The following LRBA variants were observed in gnomAD, a reference collection of about 807,000 sequenced individuals.
LRBA encodes the protein LPS responsive beige-like anchor protein.
A neutral mutation model predicts 330.0 loss-of-function variants in LRBA; 176 were observed. That is an observed-to-expected ratio of 0.53 (90% CI 0.47 to 0.60). The LOEUF is 0.60. Ranked by LOEUF, LRBA falls within the 20% of genes least tolerant of loss-of-function variation. LRBA has a pLI of 0.00. For synonymous variants in LRBA, 1,230 were observed against 1,193.0 expected (o/e 1.03, Z -0.64); for missense variants, 3,259 against 3,444.8 (o/e 0.95, Z 1.35).
intron 40 of LRBA, among the ~76,000 whole-genome samples, chr4:150,571,962 G>GCC (rs1769926665): frequency 6.6e-6 from 1 of 150,926 alleles, no homozygotes; most frequent in African/African-American, 2.4e-5. Context: ...TCATCTCTTC[G>GCC]TATTACTTAG....
intron 24 of LRBA, 97 bp from the exon 25 acceptor site, chr4:150,849,672 T>C: frequency 2.1e-6 from 2 of 949,900 alleles, no homozygotes; most frequent in South Asian, 3.1e-5. Flanking sequence ...TGCTTTTGCT[T>C]CATCTTGAAA....
chr4:150,560,618 T>C (rs1768193468), intron 40 of LRBA, among the ~76,000 whole-genome samples: 1 of 152,194 alleles, frequency 6.6e-6, no homozygotes, highest in Non-Finnish European at 1.5e-5. Context: ...AGTTCAATCA[T>C]TATGAACTCC....
chr4:150,757,920 A>G (rs1336566027), intron 35 of LRBA, among the ~76,000 whole-genome samples: 2 of 152,318 alleles, frequency 1.3e-5, no homozygotes, highest in Admixed American at 1.3e-4. Context: ...GTTTCTAACT[A>G]TGGGAAGCTA....
At chr4:150,609,177 A>G (rs1774977772) in intron 37 of LRBA, among the ~76,000 whole-genome samples, 1 of 152,216 alleles carries the variant, frequency 6.6e-6, no homozygotes, top group South Asian at 2.1e-4. Flanking sequence ...GACTCATGGA[A>G]AGCTGACCAA....
intron 17 of LRBA, among the ~76,000 whole-genome samples, chr4:150,887,490 C>T (rs1050043523): frequency 6.6e-6 from 1 of 151,960 alleles, no homozygotes. Context: ...CAGTGGCTCA[C>T]GGGCCGGGTG....
chr4:150,650,331 T>G (rs950987066), intron 37 of LRBA, among the ~76,000 whole-genome samples: 4 of 152,310 alleles, frequency 2.6e-5, no homozygotes, highest in African/African-American at 9.6e-5. Flanking sequence ...GAAAATTTTC[T>G]ACTTTTCCCA....
At chr4:150,648,214 C>T (rs1288906049) in intron 37 of LRBA, among the ~76,000 whole-genome samples, 1 of 94,030 alleles carries the variant, frequency 1.1e-5, no homozygotes, top group African/African-American at 3.3e-5. Flanking sequence ...ACCAGTGGAA[C>T]AAAATAACTT....
intron 47 of LRBA, among the ~76,000 whole-genome samples, chr4:150,359,330 G>A (rs907745208): frequency 1.3e-5 from 2 of 152,108 alleles, no homozygotes; most frequent in African/African-American, 4.8e-5. Flanking sequence ...AGAAGGAAAG[G>A]GGAGCAAAAG....
intron 35 of LRBA, among the ~76,000 whole-genome samples, chr4:150,743,511 A>C (rs1180163529): frequency 6.6e-6 from 1 of 152,242 alleles, no homozygotes; most frequent in Non-Finnish European, 1.5e-5. Context: ...CTTGGGGAAC[A>C]TATAAAAGAA....
intron 55 of LRBA, among the ~76,000 whole-genome samples, chr4:150,281,313 G>C (rs1007207145): frequency 1.3e-5 from 2 of 152,166 alleles, no homozygotes; most frequent in South Asian, 2.1e-4. Flanking sequence ...GTGTGTCTCT[G>C]TGCGTGCCTC....
intron 33 of LRBA, among the ~76,000 whole-genome samples, chr4:150,799,816 C>A (rs934128976): frequency 6.6e-6 from 1 of 152,204 alleles, no homozygotes; most frequent in East Asian, 1.9e-4. Flanking sequence ...ACGATCTCAG[C>A]TCACCACAAC....
intron 34 of LRBA, among the ~76,000 whole-genome samples, chr4:150,778,802 G>A (rs1004533777): frequency 6.6e-6 from 1 of 152,136 alleles, no homozygotes; most frequent in Non-Finnish European, 1.5e-5. Flanking sequence ...TAGTTCTTCA[G>A]ACATATGGCA....
At chr4:150,342,853 G>T (rs1369799455) in intron 48 of LRBA, among the ~76,000 whole-genome samples, 1 of 152,120 alleles carries the variant, frequency 6.6e-6, no homozygotes, top group Non-Finnish European at 1.5e-5. Context: ...ATAAGTAAAA[G>T]TATAGCTACT....
intron 40 of LRBA, among the ~76,000 whole-genome samples, chr4:150,538,640 G>A (rs918533836): frequency 6.6e-6 from 1 of 151,962 alleles, no homozygotes; most frequent in Non-Finnish European, 1.5e-5. Flanking sequence ...CTACTAAAGG[G>A]GGGAGATGGG....
intron 48 of LRBA, among the ~76,000 whole-genome samples, chr4:150,332,956 T>C (rs971386424): frequency 1.1e-4 from 16 of 152,296 alleles, no homozygotes; most frequent in African/African-American, 3.8e-4. Flanking sequence ...AGTTTTTGTG[T>C]GTGCCAACTA....
intron 35 of LRBA, among the ~76,000 whole-genome samples, chr4:150,761,252 T>A (rs1330193258): frequency 1.3e-5 from 2 of 152,126 alleles, no homozygotes; most frequent in African/African-American, 4.8e-5. Context: ...TCTTTTCATC[T>A]CTGTACTTTC....
chr4:150,537,828 G>A (rs1163993995), intron 40 of LRBA, among the ~76,000 whole-genome samples: 7 of 151,964 alleles, frequency 4.6e-5, no homozygotes, highest in South Asian at 2.1e-4. Flanking sequence ...GGTGGTGCAC[G>A]CCCGTAGTCC....
chr4:150,619,648 C>T (rs1561432236), intron 37 of LRBA, among the ~76,000 whole-genome samples: 1 of 152,058 alleles, frequency 6.6e-6, no homozygotes, highest in African/African-American at 2.4e-5. Context: ...TATAAGTAGG[C>T]TGTAATTAAA....
At chr4:150,998,586 C>T (rs62344621) in intron 2 of LRBA, among the ~76,000 whole-genome samples, 53,520 of 151,750 alleles carry the variant, frequency 0.35, 11,468 homozygotes, top group Non-Finnish European at 0.48. Flanking sequence ...AACTCCTGGC[C>T]TCAAGCAGTC....
Sources: allele counts gnomAD v4.1 joint callset (sites outside exome capture counted in the v4.1 genomes callset), GRCh38; gene constraint gnomAD v4.1.1; transcripts MANE v1.5; gene names NCBI Gene and HGNC (gene_info 2026-07-23, HGNC 2026-07-21).